Variants in DPH7 observed in about 807,000 individuals in gnomAD.
DPH7 encodes diphthine methyltransferase.
In DPH7, 44 loss-of-function variants were observed where a neutral mutation model predicts 41.7. The observed-to-expected ratio is 1.05, with a 90% confidence interval of 0.83 to 1.36. DPH7 has a LOEUF of 1.36. Among genes scored for constraint, DPH7 ranks in the 40% most tolerant of loss-of-function variants. The pLI is 0.00. For missense variants in DPH7, 629 were observed against 577.5 expected (o/e 1.09, Z -0.91); for synonymous variants, 275 against 238.0 (o/e 1.16, Z -1.43).
chr9:137,573,496 G>A (rs1055361145), intron 5 of DPH7, among the ~76,000 whole-genome samples: 1 of 149,174 alleles, frequency 6.7e-6, no homozygotes, highest in Non-Finnish European at 1.5e-5. Flanking sequence ...GGCTAACACG[G>A]TGAAACCCCA....
At chr9:137,558,209 G>A (rs963603015) in intron 8 of DPH7, among the ~76,000 whole-genome samples, 1 of 152,136 alleles carries the variant, frequency 6.6e-6, no homozygotes. Flanking sequence ...TGAACTCTCA[G>A]ACCTGTCTTA....
intron 8 of DPH7, among the ~76,000 whole-genome samples, chr9:137,557,245 C>T (rs980926471): frequency 6.6e-6 from 1 of 152,226 alleles, no homozygotes; most frequent in African/African-American, 2.4e-5. Flanking sequence ...CGGTGGCTCA[C>T]ACCTGTAATC....
intron 3 of DPH7, 142 bp downstream of exon 3, chr9:137,575,938 C>T: frequency 2.0e-6 from 3 of 1,470,338 alleles, no homozygotes; most frequent in East Asian, 2.4e-5. Context: ...AAAATAGACT[C>T]CACATTATCT....
rs1588863503 is a variant in DPH7 at position 137,565,138 on chromosome 9, A to G, written c.657T>C (p.Leu219=). 6.2e-7 allele frequency: 1 copy of G among 1,614,030 alleles called. No individual in the cohort carries two copies. ...EIVYSGGDDG[L]LRGWDTRVPG... ...GTACCCTGGTGTCCCAGCCCCTCAG[A>G]AGGCCATCGTCGCCCCCTGTGTGGA... Residue 219 remains leucine (L), a synonymous_variant, in exon 6 of 9, where the codon CTT becomes CTC. Transcript: ENST00000277540.
At chr9:137,555,679 C>G in intron 8 of DPH7, 31 bp from the exon 9 acceptor site, 1 of 1,552,522 alleles carries the variant, frequency 6.4e-7, no homozygotes, top group Non-Finnish European at 8.7e-7. Context: ...ACCCAGGAAA[C>G]ACAACATCAC....
rs746912787 is a variant in DPH7 at position 137,577,498 on chromosome 9, C to T, written c.259G>A (p.Asp87Asn). 26 of 1,613,940 alleles carry T rather than the reference C, an allele frequency of 1.6e-5. No homozygotes were observed. Among genetic ancestry groups the T allele is most frequent in the Admixed American group, 3.3e-5 (2 of 59,988 alleles). Residue 87 changes from aspartate to asparagine, a missense_variant, in exon 2 of 9, where the codon GAT (aspartate) becomes AAT (asparagine). Physicochemically the swap from Asp to Asn is conservative, Grantham distance 23. Coordinates refer to ENST00000277540, the MANE Select transcript of DPH7 (RefSeq NM_138778.5). ...IHPLVEVQRK[D>N]TSAILDMKWC... ...TTCATGTCCAGGATTGCAGAAGTAT[C>T]TTTTCTTTGGACCTCGACCAGAGGG...
intron 8 of DPH7, 68 bp downstream of exon 8, chr9:137,564,366 C>G (rs1262164710): frequency 3.2e-6 from 5 of 1,548,612 alleles, no homozygotes; most frequent in Middle Eastern, 2.3e-4. Flanking sequence ...GGGAAGAGCC[C>G]AGCAGAGCGA....
At chr9:137,564,848 C>G (rs772808917) in intron 7 of DPH7, 45 bp downstream of exon 7, 2 of 1,564,322 alleles carry the variant, frequency 1.3e-6, no homozygotes, top group Non-Finnish European at 1.7e-6. Flanking sequence ...CCCCCGGGGA[C>G]AGCGAAAGAG....
At chr9:137,572,356 G>A (rs945523521) in intron 5 of DPH7, among the ~76,000 whole-genome samples, 5 of 152,194 alleles carry the variant, frequency 3.3e-5, no homozygotes, top group African/African-American at 1.2e-4. Flanking sequence ...CACAGGCCTT[G>A]GGTAATCGCA....
At chr9:137,576,942 C>T (rs1406466581) in intron 2 of DPH7, among the ~76,000 whole-genome samples, 1 of 151,662 alleles carries the variant, frequency 6.6e-6, no homozygotes, top group Non-Finnish European at 1.5e-5. Flanking sequence ...GAAGTCTCAG[C>T]TACTCGAGAG....
At chr9:137,564,060 C>T (rs1354527096) in intron 8 of DPH7, among the ~76,000 whole-genome samples, 3 of 152,066 alleles carry the variant, frequency 2.0e-5, no homozygotes. Context: ...GGGCAGCAGA[C>T]CACAGAGTCC....
intron 1 of DPH7, chr9:137,577,875 T>C (rs1200072867): frequency 1.8e-5 from 15 of 824,410 alleles, no homozygotes; most frequent in Non-Finnish European, 2.2e-5. Context: ...CCTGGGACAG[T>C]CCTGACTTAC....
chr9:137,559,949 G>T (rs2132860400), intron 8 of DPH7, among the ~76,000 whole-genome samples: 1 of 152,308 alleles, frequency 6.6e-6, no homozygotes, highest in South Asian at 2.1e-4. Flanking sequence ...GCCGCACACA[G>T]GGAGAAGCCC....
intron 1 of DPH7, chr9:137,578,116 G>A (rs570641059): frequency 2.6e-5 from 8 of 305,482 alleles, no homozygotes; most frequent in Non-Finnish European, 2.4e-5. Flanking sequence ...CCTGGAGTCC[G>A]AGGCTGCACT....
At chr9:137,574,054 G>C (rs577268397) in intron 5 of DPH7, among the ~76,000 whole-genome samples, 154 bp downstream of exon 5, 3 of 152,156 alleles carry the variant, frequency 2.0e-5, no homozygotes, top group African/African-American at 7.2e-5. Context: ...AAAAGAGCAA[G>C]ACTCAGTTTC....
intron 8 of DPH7, among the ~76,000 whole-genome samples, chr9:137,560,392 T>C (rs752619802): frequency 1.3e-5 from 2 of 152,110 alleles, no homozygotes; most frequent in Non-Finnish European, 2.9e-5. Context: ...AATATGTTAA[T>C]GCTGTGTTCT....
At chr9:137,574,476 C>T (rs966031753) in intron 4 of DPH7, 96 bp from the exon 5 acceptor site, 3 of 1,349,622 alleles carry the variant, frequency 2.2e-6, no homozygotes, top group Non-Finnish European at 3.1e-6. Flanking sequence ...CTCCACAGCC[C>T]TGGGATGCGG....
Position 137,564,568 on chromosome 9 carries a change from A to C in DPH7, c.815T>G (p.Met272Arg). The C allele has an allele frequency of 1.2e-6, 2 of 1,613,840 alleles. No individual in the cohort carries two copies. Among genetic ancestry groups the C allele is most frequent in the Non-Finnish European group, 1.7e-6 (2 of 1,179,790 alleles). The change falls in exon 8 of 9, where the codon ATG becomes AGG. Residue 272 changes from methionine to arginine, a missense_variant. Transcript: ENST00000277540. ...AGGCGTATCTGCCAACGGCTGCTTC[A>C]TGTTTCGTGTGTCCCACAGTAGGAT... ...EHILLWDTRNMKQPLADTPVQ... is the reference protein window; with the variant it reads ...EHILLWDTRNRKQPLADTPVQ...
In DPH7 at chr9:137,565,070, C is replaced by T; in HGVS notation, c.710+15G>A. 1.2e-6 allele frequency: 2 copies of T among 1,613,986 alleles called. No homozygotes were observed. The highest frequency in any genetic ancestry group is 1.7e-6 in the Non-Finnish European group (2 of 1,179,974). On this transcript the variant is annotated intron_variant, in intron 6 of 8. Transcript: ENST00000277540. ...GGCTGGTGTGGGCACCGAGTGCTGG[C>T]CCTTGGGCAGTTACCTTTTGCTGGT...
Sources: gnomAD v4.1 joint callset for allele counts (sites outside exome capture counted in the v4.1 genomes callset) on GRCh38, gnomAD v4.1.1 for gene constraint, MANE v1.5 for transcripts, NCBI Gene and HGNC (gene_info 2026-07-23, HGNC 2026-07-21) for gene names.